Variants in DGKA observed in about 807,000 individuals in gnomAD.
DGKA encodes the protein 80 kDa diacylglycerol kinase.
In DGKA, 35 loss-of-function variants were observed where a neutral mutation model predicts 105.0. The observed-to-expected ratio is 0.33, with a 90% CI of 0.25 to 0.44. The LOEUF is 0.44. Among genes scored for constraint, DGKA ranks in the 20% least tolerant of loss-of-function variants. The pLI, the probability that DGKA is intolerant of heterozygous loss-of-function variation, is 1.00. For missense variants in DGKA, 665 were observed against 915.0 expected, an observed-to-expected ratio of 0.73 and a Z score of 3.53; for synonymous variants, 296 against 332.0, an observed-to-expected ratio of 0.89 and a Z score of 1.18.
At chr12:55,934,065 C>T (rs965492046) in intron 1 of DGKA, among the ~76,000 whole-genome samples, 4 of 152,172 alleles carry the variant, frequency 2.6e-5, no homozygotes, top group Non-Finnish European at 5.9e-5. Context: ...CTTGCCTGTC[C>T]AATTTGCAAG....
intron 22 of DGKA, 23 bp downstream of exon 22, chr12:55,953,183 C>G (rs1332572675): frequency 6.2e-7 from 1 of 1,613,746 alleles, no homozygotes; most frequent in Non-Finnish European, 8.5e-7. Context: ...CCACCAGGGT[C>G]CCTGAGGGAA....
At position 55,932,710 on chromosome 12, in the gene DGKA, CA is replaced by C. The variant is rs1883876820; in HGVS notation, c.-82+1367del. 4 of 11,512 alleles carry C rather than the reference CA, an allele frequency of 3.5e-4. No individual in the cohort carries two copies. Among genetic ancestry groups the C allele is most frequent in the African/African-American group, 1.3e-3 (4 of 3,100 alleles). The allele number at this position is 11,512 out of a possible 1,614,324, so 0.7% of individuals were successfully genotyped here. ...CACCCTCTACACACACACACACACGCACACACACACACACACACACACACAC... is the reference window on the plus strand; with the variant it reads ...CACCCTCTACACACACACACACACGCCACACACACACACACACACACACAC... On this transcript the variant is annotated intron_variant, in intron 1 of 23. Transcript: ENST00000331886. The surrounding 1 kb of genome is among the most constrained non-coding windows in gnomAD (Gnocchi z 4.3).
chr12:55,927,975 G>T (rs1883228887), upstream of DGKA: 1 of 575,442 alleles, frequency 1.7e-6, no homozygotes, highest in Non-Finnish European at 3.0e-6. Flanking sequence ...AATTAAACTC[G>T]TCCAACCGCT....
intron 1 of DGKA, chr12:55,931,667 G>T (rs934053513): frequency 1.3e-5 from 2 of 152,520 alleles, no homozygotes; most frequent in African/African-American, 4.8e-5. Context: ...AATCAGGAGA[G>T]AATGAGACGT....
rs764300586 is a variant in DGKA at position 55,941,985 on chromosome 12, C to T, written c.1251-13C>T. 5.0e-6 allele frequency: 8 copies of T among 1,613,892 alleles called. No individual in the cohort carries two copies. Among genetic ancestry groups the T allele is most frequent in the South Asian group, 1.1e-5 (1 of 90,990 alleles). ...GTTATCCTTCTTCATATTCTCTCTC[C>T]CCTTTGTCTCAGGCTCCGATTATTC... On this transcript the variant is annotated splice_polypyrimidine_tract_variant and intron_variant, in intron 15 of 23. Coordinates refer to ENST00000331886, the MANE Select transcript of DGKA (RefSeq NM_001345.5).
At chr12:55,936,644 G>GC (rs1391322537) in intron 2 of DGKA, 77 bp downstream of exon 2, 4 of 1,592,930 alleles carry the variant, frequency 2.5e-6, no homozygotes, top group African/African-American at 1.3e-5. Flanking sequence ...TACACCCCCT[G>GC]CCCCCCAGCT....
upstream of DGKA, chr12:55,930,388 CAGAGTTTTGCTCGT>C (rs1488515711): frequency 2.6e-5 from 2 of 77,630 alleles, no homozygotes; most frequent in East Asian, 9.7e-4. Flanking sequence ...TTTTTTTAGA[CAGAGTTTTGCTCGT>C]GTCACCCAGG....
At chr12:55,948,150 C>T (rs1217581073) in intron 17 of DGKA, among the ~76,000 whole-genome samples, 1 of 151,788 alleles carries the variant, frequency 6.6e-6, no homozygotes, top group Non-Finnish European at 1.5e-5. Context: ...GCCTGTAATC[C>T]CAGCACTTTG....
At chr12:55,951,484 C>A in intron 17 of DGKA, 139 bp from the exon 18 acceptor site, 1 of 826,696 alleles carries the variant, frequency 1.2e-6, no homozygotes. Context: ...GACCATGCAC[C>A]CTGCCCTGTC....
rs1380980974 is a variant in DGKA, at chr12:55,942,059, G to A, written c.1312G>A (p.Val438Ile). 6.2e-7 allele frequency: 1 copy of A among 1,614,202 alleles called. No individual in the cohort carries two copies. The highest frequency in any genetic ancestry group is 8.5e-7 in the Non-Finnish European group (1 of 1,180,036). Reference sequence around the variant, plus strand: ...TTTGGTGTGTGGTGGAGACGGCACAGTAGGCTGGATTCTAGAGACCATTGG... The same window carrying A: ...TTTGGTGTGTGGTGGAGACGGCACAATAGGCTGGATTCTAGAGACCATTGG... ...RILVCGGDGT[V>I]GWILETIDKA... The change falls in exon 16 of 24, where the codon GTA (valine) becomes ATA (isoleucine). Residue 438 changes from valine (V) to isoleucine (I), a missense_variant. Around this residue, in one of 3 missense-constraint regions of DGKA, gnomAD observed 504 missense variants for 681.2 expected, o/e 0.74. Transcript: ENST00000331886.
In DGKA at chr12:55,940,615, G is replaced by C. The variant is rs368762006; in HGVS notation, c.919-9G>C. ...TTCGTGATCTCTCTGTGCCCACCTC[G>C]TCTTTCAGATCCACGATGACTGCCT... On this transcript the variant is annotated splice_polypyrimidine_tract_variant and intron_variant, in intron 11 of 23. Transcript: ENST00000331886. The surrounding 1 kb of genome is among the most constrained non-coding windows in gnomAD (Gnocchi z 4.3). The C allele has an allele frequency of 3.8e-6, 6 of 1,571,362 alleles. No homozygotes were observed. The East Asian group carries it at 1.3e-4, about 35-fold the overall frequency.
At chr12:55,941,383 T>C in intron 14 of DGKA, 58 bp downstream of exon 14, 1 of 1,594,498 alleles carries the variant, frequency 6.3e-7, no homozygotes, top group Non-Finnish European at 8.6e-7. Context: ...CTGCAACACT[T>C]AGAAGGTGGA....
rs1888374107 is a variant in DGKA at position 55,952,547 on chromosome 12, C to A, written c.1743+116C>A. 1 of 1,225,174 alleles carries A rather than the reference C, an allele frequency of 8.2e-7. No individual in the cohort carries two copies. Among genetic ancestry groups the A allele is most frequent in the Non-Finnish European group, 1.2e-6 (1 of 840,610 alleles). The allele number at this position is 1,225,174 out of a possible 1,614,324, so 75.9% of individuals were successfully genotyped here. A position where few individuals can be genotyped will look rare whatever the true frequency, so the allele number is the denominator to read the frequency against. ...TCTTGAACCTATGCTTCTTTAACCT[C>A]CCAGCTCTCCTACCCCAATTCTCCA... On this transcript the variant is annotated intron_variant, in intron 20 of 23. Coordinates refer to ENST00000331886, the MANE Select transcript of DGKA (RefSeq NM_001345.5). This position sits in a 1 kb window ranked among gnomAD's most constrained non-coding sequence, Gnocchi z 5.1.
In DGKA at chr12:55,938,922, A is replaced by T. The variant is rs1360449442; in HGVS notation, c.407A>T (p.Asp136Val). 1 of 1,614,214 alleles carries T rather than the reference A, an allele frequency of 6.2e-7. No homozygotes were observed. Among genetic ancestry groups the T allele is most frequent in the East Asian group, 2.2e-5 (1 of 44,884 alleles). ...TTGCCCTTTTTGCTCCAGGAAGTGG[A>T]CAAAATTATCCTACAGATGATGCGA... Reference protein sequence around the residue: ...RNGILDSSEVDKIILQMMRVA... With the variant: ...RNGILDSSEVVKIILQMMRVA... Residue 136 changes from aspartate (D) to valine (V), a missense_variant, in exon 7 of 24, where the codon GAC becomes GTC. This residue lies in a region of DGKA where 504 missense variants were observed against 681.2 expected (regional missense o/e 0.74). Transcript: ENST00000331886.
At chr12:55,934,395 G>C (rs1393065275) in intron 1 of DGKA, among the ~76,000 whole-genome samples, 1 of 152,192 alleles carries the variant, frequency 6.6e-6, no homozygotes, top group East Asian at 1.9e-4. Context: ...TCATTGAAAA[G>C]TGCCAGATGG....
At position 55,946,233 on chromosome 12, in the gene DGKA, C is replaced by T. The variant is rs182320113; in HGVS notation, c.1426+3970C>T. On this transcript the variant is annotated intron_variant, in intron 17 of 23. Coordinates refer to ENST00000331886, the MANE Select transcript of DGKA (RefSeq NM_001345.5). ...TTGCCCAGGCTGGAGTGCAATGGCA[C>T]GGTCTGGGCTCAATACCACCTCTGC... 3.7e-3 allele frequency among the ~76,000 whole-genome samples: 559 copies of T among 151,954 alleles called. 3 individuals carry two copies. The highest frequency in any genetic ancestry group is 3.6e-3 in the Non-Finnish European group (247 of 67,968).
intron 3 of DGKA, 136 bp downstream of exon 3, chr12:55,937,226 G>C: frequency 8.1e-7 from 1 of 1,228,540 alleles, no homozygotes; most frequent in Non-Finnish European, 1.2e-6. Flanking sequence ...TTGTCACTCT[G>C]ACTATTGCTT....
chr12:55,953,573 CT>C (rs2136427384), intron 23 of DGKA, 111 bp from the exon 24 acceptor site: 2 of 1,363,948 alleles, frequency 1.5e-6, no homozygotes, highest in African/African-American at 2.9e-5. Flanking sequence ...ATCGTGGCCT[CT>C]CTAGGAACCT....
At chr12:55,944,042 T>G (rs1038787383) in intron 17 of DGKA, among the ~76,000 whole-genome samples, 1 of 152,146 alleles carries the variant, frequency 6.6e-6, no homozygotes, top group African/African-American at 2.4e-5. Flanking sequence ...ATTCCTGTAA[T>G]CCCAACACTT....
Sources: allele counts gnomAD v4.1 joint callset (sites outside exome capture counted in the v4.1 genomes callset), GRCh38; gene constraint gnomAD v4.1.1; regional missense constraint gnomAD v4.1.1; non-coding constraint Gnocchi (gnomAD v3.1); transcripts MANE v1.5; gene names NCBI Gene and HGNC (gene_info 2026-07-23, HGNC 2026-07-21).